RHBDD1: variants seen among roughly 807,000 people sequenced by gnomAD.
The protein encoded by RHBDD1 is rhomboid domain containing 1.
In RHBDD1, 38 loss-of-function variants were observed where a neutral mutation model predicts 36.3. The observed-to-expected ratio is 1.05, with a 90% CI of 0.81 to 1.37. The LOEUF (loss-of-function observed/expected upper bound fraction) is 1.37, where lower values mean the gene tolerates loss of function less well. Among genes scored for constraint, RHBDD1 ranks in the 40% most tolerant of loss-of-function variants. The pLI is 0.00. For synonymous variants in RHBDD1, 151 were observed against 136.5 expected, an observed-to-expected ratio of 1.11 and a Z score of -0.74; for missense variants, 393 against 377.6, an observed-to-expected ratio of 1.04 and a Z score of -0.34.
intron 8 of RHBDD1, chr2:226,935,353 C>T (rs1187028083): frequency 6.6e-6 from 1 of 152,052 alleles, no homozygotes; most frequent in African/African-American, 2.4e-5. Context: ...TTGAGATACG[C>T]TTTAAGTTAA....
intron 5 of RHBDD1, among the ~76,000 whole-genome samples, chr2:226,873,586 A>G (rs1334398454): frequency 6.6e-6 from 1 of 152,186 alleles, no homozygotes; most frequent in Admixed American, 6.6e-5. Context: ...TGGTGCAGTG[A>G]TGACTCTGGG....
chr2:226,994,307 T>C (rs1337819020), intron 8 of RHBDD1, among the ~76,000 whole-genome samples: 2 of 152,216 alleles, frequency 1.3e-5, no homozygotes, highest in African/African-American at 2.4e-5. Flanking sequence ...TTAGAGCTTA[T>C]GATCCTGGTA....
At chr2:226,845,129 A>G (rs567656225) in intron 3 of RHBDD1, among the ~76,000 whole-genome samples, 1 of 152,296 alleles carries the variant, frequency 6.6e-6, no homozygotes, top group East Asian at 1.9e-4. Context: ...AATGAAAAAC[A>G]TAATTTCTGC....
chr2:226,816,375 CAAAAAAA>C, the RHBDD1 span, among the ~76,000 whole-genome samples: 29 of 64,958 alleles, frequency 4.5e-4, no homozygotes, highest in East Asian at 1.3e-3. Context: ...GGAATGGTGG[CAAAAAAA>C]AAAAAAAAAA....
chr2:226,856,546 A>G (rs1943345904), intron 3 of RHBDD1, among the ~76,000 whole-genome samples: 1 of 152,208 alleles, frequency 6.6e-6, no homozygotes, highest in Non-Finnish European at 1.5e-5. Flanking sequence ...TAACAAGTGG[A>G]GCAAACAGTT....
At chr2:226,966,116 A>G (rs1380907065) in intron 8 of RHBDD1, among the ~76,000 whole-genome samples, 2 of 152,080 alleles carry the variant, frequency 1.3e-5, no homozygotes, top group Admixed American at 1.3e-4. Context: ...AAACCATATG[A>G]TTGTCTCAAT....
At chr2:226,926,568 G>A (rs1030618993) in intron 8 of RHBDD1, among the ~76,000 whole-genome samples, 2 of 152,152 alleles carry the variant, frequency 1.3e-5, no homozygotes, top group Non-Finnish European at 2.9e-5. Context: ...TTGAGGACTT[G>A]ATTAATTGGA....
At chr2:226,948,333 C>T (rs1449671008) in intron 8 of RHBDD1, among the ~76,000 whole-genome samples, 94 of 146,900 alleles carry the variant, frequency 6.4e-4, no homozygotes, top group Non-Finnish European at 1.2e-3. Flanking sequence ...AACCAAACAC[C>T]GCATATTCTC....
Position 226,864,725 on chromosome 2 carries a change from G to T in RHBDD1, c.32G>T (p.Gly11Val), listed in dbSNP as rs757518254. MQRRSRGINT[G>V]LILLLSQIFH... ...CGGAGATCAAGAGGGATAAATACTG[G>T]ACTTATTCTACTCCTTTCTCAAATC... The change falls in exon 4 of 9, where the codon GGA (glycine) becomes GTA (valine). Residue 11 changes from glycine to valine, a missense_variant. Gly to Val is a moderately radical substitution (Grantham distance 109). Coordinates refer to ENST00000392062, the MANE Select transcript of RHBDD1 (RefSeq NM_001167608.3). The T allele has an allele frequency of 9.9e-6, 16 of 1,614,042 alleles. No homozygotes were observed. The highest frequency in any genetic ancestry group is 1.4e-5 in the Non-Finnish European group (16 of 1,179,970).
chr2:226,907,810 A>G (rs973019729), intron 6 of RHBDD1, among the ~76,000 whole-genome samples: 12 of 152,110 alleles, frequency 7.9e-5, no homozygotes, highest in African/African-American at 2.7e-4. Flanking sequence ...ATGTGTTTCC[A>G]CTGTACGTAC....
chr2:226,852,901 TTTATTA>T (rs34006366), intron 3 of RHBDD1, among the ~76,000 whole-genome samples: 1,617 of 125,170 alleles, frequency 0.013, 17 homozygotes, highest in African/African-American at 0.033. Context: ...ACCTGGCTAA[TTTATTA>T]TTATTATTAT....
rs142296290 is a variant in RHBDD1 at position 226,964,718 on chromosome 2, G to T, written c.857-30713G>T. ...ACTCATTCCTTTTGGCCTTTTGGAC[G>T]TAGTGAGTAACCAAGCCTTCTTGAT... On this transcript the variant is annotated intron_variant, in intron 8 of 8. Coordinates refer to ENST00000392062, the MANE Select transcript of RHBDD1 (RefSeq NM_001167608.3). Among the ~76,000 whole-genome samples, 408 of 152,308 alleles carry T rather than the reference G, an allele frequency of 2.7e-3. 4 individuals carry two copies. The South Asian group carries it at 0.043, about 16-fold the overall frequency.
At chr2:226,838,398 A>G (rs983998044) in intron 2 of RHBDD1, among the ~76,000 whole-genome samples, 4 of 152,170 alleles carry the variant, frequency 2.6e-5, no homozygotes, top group East Asian at 1.9e-4. Flanking sequence ...GCAGATCGCT[A>G]TCTGTGGTTT....
intron 8 of RHBDD1, among the ~76,000 whole-genome samples, chr2:226,967,208 G>A (rs189551973): frequency 9.2e-4 from 140 of 152,162 alleles, no homozygotes; most frequent in African/African-American, 3.2e-3. Flanking sequence ...TTTCAAGTCA[G>A]GATCTCCCAA....
chr2:226,973,114 C>G (rs748240767), intron 8 of RHBDD1, among the ~76,000 whole-genome samples: 10 of 152,144 alleles, frequency 6.6e-5, no homozygotes, highest in Non-Finnish European at 1.3e-4. Flanking sequence ...ACTTCAGCCT[C>G]GGGGTTCTTG....
intron 8 of RHBDD1, among the ~76,000 whole-genome samples, chr2:226,967,883 C>T (rs1025299782): frequency 6.6e-6 from 1 of 152,076 alleles, no homozygotes; most frequent in Admixed American, 6.6e-5. Context: ...AGGCACAGGA[C>T]TGTCCTGTAC....
At chr2:226,885,152 A>T (rs1214899425) in intron 5 of RHBDD1, among the ~76,000 whole-genome samples, 1 of 152,166 alleles carries the variant, frequency 6.6e-6, no homozygotes, top group Non-Finnish European at 1.5e-5. Flanking sequence ...TTAGTTAAAT[A>T]ATGGAAAATT....
intron 8 of RHBDD1, among the ~76,000 whole-genome samples, chr2:226,945,670 C>A (rs1212130762): frequency 6.6e-6 from 1 of 152,012 alleles, no homozygotes; most frequent in Non-Finnish European, 1.5e-5. Context: ...TGGGTATATA[C>A]CCAGTACTGG....
At chr2:226,801,285 G>A in the RHBDD1 span, among the ~76,000 whole-genome samples, 1 of 152,228 alleles carries the variant, frequency 6.6e-6, no homozygotes, top group Admixed American at 6.5e-5. Context: ...CTGCTGATTG[G>A]TGGGATGGCC....
Sources: gnomAD v4.1 joint callset for allele counts (sites outside exome capture counted in the v4.1 genomes callset) on GRCh38, gnomAD v4.1.1 for gene constraint, MANE v1.5 for transcripts, NCBI Gene and HGNC (gene_info 2026-07-23, HGNC 2026-07-21) for gene names.